The following TRAFD1 variants were observed in gnomAD, a reference collection of about 807,000 sequenced individuals.
TRAFD1 encodes the protein TRAF-type zinc finger domain containing 1, also known as TRAF-type zinc finger domain-containing protein 1.
TRAFD1 carries 38 observed loss-of-function variants against 65.3 expected under a neutral mutation model. The ratio of observed to expected loss-of-function variants is 0.58; its 90% confidence interval spans 0.45 to 0.76. The LOEUF is 0.76. Ranked by LOEUF, TRAFD1 falls within the 30% of genes least tolerant of loss-of-function variation. The pLI is 0.00. For synonymous variants in TRAFD1, 223 were observed against 257.2 expected, an observed-to-expected ratio of 0.87 and a Z score of 1.27; for missense variants, 631 against 712.6, an observed-to-expected ratio of 0.89 and a Z score of 1.30.
intron 4 of TRAFD1, 128 bp from the exon 5 acceptor site, chr12:112,140,691 A>C (rs2030060916): frequency 9.0e-7 from 1 of 1,107,388 alleles, no homozygotes; most frequent in Non-Finnish European, 1.3e-6. Context: ...AAATACATTA[A>C]AAAAGGGTAG....
At position 112,141,129 on chromosome 12, in the gene TRAFD1, G is replaced by A. The variant is rs113339178; in HGVS notation, c.548G>A (p.Arg183Gln). The A allele has an allele frequency of 2.5e-5, 41 of 1,614,034 alleles. No homozygotes were observed. The Middle Eastern group carries it at 1.5e-3, about 58-fold the overall frequency. Residue 183 changes from arginine (R) to glutamine (Q), a missense_variant, in exon 5 of 12, where the codon CGA becomes CAA. By Grantham distance (43) the Arg-to-Gln change is conservative. Transcript: ENST00000412615. The part of the protein sequence containing the change: ...EALDPPMRLP[R>Q]RPLRAFESDV... Reference sequence around the variant, plus strand: ...CTGGACCCACCCATGAGGCTGCCGCGAAGGCCCCTGAGAGCCTTTGAATCA... The same window carrying A: ...CTGGACCCACCCATGAGGCTGCCGCAAAGGCCCCTGAGAGCCTTTGAATCA...
At position 112,149,829 on chromosome 12, in the gene TRAFD1, G is replaced by C; in HGVS notation, c.1237G>C (p.Glu413Gln). ...GIPRLDSQPQ[E>Q]TSPELPRRRV... is the part of the protein sequence containing the mutation. ...TCCTAGACTGGATTCCCAGCCTCAA[G>C]AGACCTCACCAGAGCTGCCCAGGAG... Residue 413 changes from glutamate (E) to glutamine (Q), a missense_variant, in exon 9 of 12, where the codon GAG becomes CAG. Physicochemically the swap from Glu to Gln is conservative, Grantham distance 29 (BLOSUM62 2). Transcript: ENST00000412615. 1 of 1,614,188 alleles carries C rather than the reference G, an allele frequency of 6.2e-7. No individual in the cohort carries two copies. Among genetic ancestry groups the C allele is most frequent in the Middle Eastern group, 1.7e-4 (1 of 6,060 alleles).
intron 6 of TRAFD1, among the ~76,000 whole-genome samples, chr12:112,143,937 A>G (rs1444858829): frequency 6.6e-6 from 1 of 151,420 alleles, no homozygotes; most frequent in Non-Finnish European, 1.5e-5. Flanking sequence ...CATGTTGCCC[A>G]GGCTAGTCTC....
chr12:112,135,170 T>G lies in TRAFD1; in HGVS notation c.237+104T>G, dbSNP rs141629543. On this transcript the variant is annotated intron_variant, in intron 4 of 11. Coordinates refer to ENST00000412615, the MANE Select transcript of TRAFD1 (RefSeq NM_006700.3). ...GGTTGAGTGTTAGTTCTCCGTGAGC[T>G]CACATGCATACTGTTTCTCAAAGCC... is the stretch of plus-strand genomic sequence containing the variant. The G allele has an allele frequency of 2.7e-4, 346 of 1,302,532 alleles. 1 individual carries two copies. In the African/African-American group the frequency reaches 4.2e-3, roughly 16 times the overall value. The allele number at this position is 1,302,532 out of a possible 1,614,324, so 80.7% of individuals were successfully genotyped here. A position where few individuals can be genotyped will look rare whatever the true frequency, so the allele number is the denominator to read the frequency against.
At chr12:112,140,684 T>A in intron 4 of TRAFD1, 135 bp from the exon 5 acceptor site, 1 of 1,031,586 alleles carries the variant, frequency 9.7e-7, no homozygotes, top group South Asian at 1.7e-5. Flanking sequence ...AATAATTAAA[T>A]ACATTAAAAA....
In TRAFD1 at chr12:112,126,626, T is replaced by G. The variant is rs889068713; in HGVS notation, c.-13+1008T>G. ...ACACCTGAAATCAGTCGGACAGCCT[T>G]CCTTAGTTGCCATTTCATATCAGAG... On this transcript the variant is annotated intron_variant, in intron 1 of 11. Coordinates refer to ENST00000412615, the MANE Select transcript of TRAFD1 (RefSeq NM_006700.3). Among the ~76,000 whole-genome samples the G allele has an allele frequency of 6.6e-5, 10 of 151,990 alleles. No individual in the cohort carries two copies. The South Asian group carries it at 1.5e-3, about 22-fold the overall frequency.
chr12:112,148,468 A>G (rs1289025483), intron 8 of TRAFD1, among the ~76,000 whole-genome samples, 164 bp downstream of exon 8: 13 of 152,206 alleles, frequency 8.5e-5, no homozygotes, highest in South Asian at 6.2e-4. Context: ...GTGGTAACCA[A>G]TACCGCAGGC....
Position 112,130,687 on chromosome 12 carries a change from A to C in TRAFD1, c.47+118A>C. 1.2e-6 allele frequency: 1 copy of C among 806,990 alleles called. No individual in the cohort carries two copies. The highest frequency in any genetic ancestry group is 2.4e-4 in the Middle Eastern group (1 of 4,214). The allele number at this position is 806,990 out of a possible 1,614,324, so 50.0% of individuals were successfully genotyped here. ...GGCACAGTCTTGAGTTAAGCTTTCT[A>C]TTTTGGTGTTTATAACCCACATGAA... is the stretch of plus-strand genomic sequence containing the variant. On this transcript the variant is annotated intron_variant, in intron 2 of 11. Coordinates refer to ENST00000412615, the MANE Select transcript of TRAFD1 (RefSeq NM_006700.3). This position sits in a 1 kb window ranked among gnomAD's most constrained non-coding sequence, Gnocchi z 4.4.
intron 4 of TRAFD1, among the ~76,000 whole-genome samples, chr12:112,135,751 A>G (rs1016221738): frequency 2.0e-5 from 3 of 152,054 alleles, no homozygotes; most frequent in Non-Finnish European, 2.9e-5. Flanking sequence ...TATTTAACCT[A>G]AGAAATTCCT....
At chr12:112,146,345 A>G (rs1323676107) in intron 7 of TRAFD1, among the ~76,000 whole-genome samples, 2 of 151,632 alleles carry the variant, frequency 1.3e-5, no homozygotes, top group Non-Finnish European at 2.9e-5. Context: ...TGGGCAACAT[A>G]GTGAGACCCC....
intron 6 of TRAFD1, among the ~76,000 whole-genome samples, chr12:112,143,991 A>G (rs1172283775): frequency 6.6e-6 from 1 of 151,864 alleles, no homozygotes; most frequent in African/African-American, 2.4e-5. Context: ...GGCCTCCCAA[A>G]GGATTGGGAT....
intron 5 of TRAFD1, chr12:112,141,837 G>T (rs1383901295): frequency 4.3e-6 from 2 of 464,058 alleles, no homozygotes; most frequent in Non-Finnish European, 3.9e-6. Context: ...TTAGCACAGT[G>T]CCTGTCTCAT....
chr12:112,143,295 T>A (rs963595249), intron 6 of TRAFD1, among the ~76,000 whole-genome samples: 1 of 152,166 alleles, frequency 6.6e-6, no homozygotes, highest in Non-Finnish European at 1.5e-5. Context: ...TAGCCAGGAT[T>A]GTCTCGATCT....
At position 112,134,374 on chromosome 12, in the gene TRAFD1, GC is replaced by G. The variant is rs1381373545; in HGVS notation, c.48-362del. ...GGGTTCAAGCGATTCTCCTGCCTCA[GC>G]CTCCCGAGTAGCTGGGATTACAGGT... is the stretch of plus-strand genomic sequence containing the variant. On this transcript the variant is annotated intron_variant, in intron 2 of 11. Coordinates refer to ENST00000412615, the MANE Select transcript of TRAFD1 (RefSeq NM_006700.3). Among the ~76,000 whole-genome samples the G allele has an allele frequency of 2.3e-4, 33 of 144,634 alleles. 1 individual carries two copies. The highest frequency in any genetic ancestry group is 8.6e-4 in the African/African-American group (33 of 38,466). 94.9% of individuals were successfully genotyped at this position (144,634 alleles called of 152,430 possible).
At chr12:112,149,667 A>C (rs1593873319) in intron 8 of TRAFD1, 84 bp from the exon 9 acceptor site, 4 of 1,571,596 alleles carry the variant, frequency 2.5e-6, no homozygotes, top group Non-Finnish European at 3.5e-6. Context: ...CCAGATGAGG[A>C]ATACACTGCT....
intron 6 of TRAFD1, among the ~76,000 whole-genome samples, chr12:112,144,333 G>A (rs541447381): frequency 6.6e-6 from 1 of 151,324 alleles, no homozygotes; most frequent in Non-Finnish European, 1.5e-5. Flanking sequence ...GCCATGGCGC[G>A]ATCTTGGCTC....
intron 2 of TRAFD1, among the ~76,000 whole-genome samples, chr12:112,133,866 G>A (rs2079578853): frequency 6.6e-6 from 1 of 151,190 alleles, no homozygotes; most frequent in African/African-American, 2.4e-5. Flanking sequence ...CACCACACCT[G>A]GTTAATTTTT....
At chr12:112,144,865 A>C (rs947819924) in intron 6 of TRAFD1, among the ~76,000 whole-genome samples, 2 of 152,190 alleles carry the variant, frequency 1.3e-5, no homozygotes, top group Non-Finnish European at 2.9e-5. Flanking sequence ...TCTAGGCAAC[A>C]GAAAAAAAAT....
chr12:112,134,935 A>C, intron 3 of TRAFD1, 62 bp downstream of exon 3: 1 of 1,612,816 alleles, frequency 6.2e-7, no homozygotes, highest in East Asian at 2.2e-5. Context: ...TCGTAAATGT[A>C]TTCTGTTTGC....
Sources: gnomAD v4.1 joint callset for allele counts (sites outside exome capture counted in the v4.1 genomes callset) on GRCh38, gnomAD v4.1.1 for gene constraint, Gnocchi (gnomAD v3.1) non-coding constraint, MANE v1.5 for transcripts, NCBI Gene and HGNC (gene_info 2026-07-23, HGNC 2026-07-21) for gene names.